The following PEAK1 variants were observed in gnomAD, a reference collection of about 807,000 sequenced individuals.
The protein encoded by PEAK1 is inactive tyrosine-protein kinase PEAK1.
In PEAK1, 54 loss-of-function variants were observed where a neutral mutation model predicts 124.7. The ratio of observed to expected loss-of-function variants is 0.43; its 90% CI spans 0.35 to 0.54. The LOEUF is 0.54. PEAK1 is among the 20% of genes least tolerant of loss of function. The pLI, the probability that PEAK1 is intolerant of heterozygous loss-of-function variation, is 0.01. For missense variants in PEAK1, 2,046 were observed against 2,134.5 expected (o/e 0.96, Z 0.82); for synonymous variants, 719 against 760.0 (o/e 0.95, Z 0.89).
At position 77,133,352 on chromosome 15, in the gene PEAK1, T is replaced by C. The variant is rs1387272631; in HGVS notation, c.3730A>G (p.Lys1244Glu). 6.2e-7 allele frequency: 1 copy of C among 1,614,242 alleles called. No homozygotes were observed. Among genetic ancestry groups the C allele is most frequent in the Admixed American group, 1.7e-5 (1 of 60,020 alleles). The change falls in exon 9 of 10, where the codon AAG becomes GAG. Residue 1244 changes from lysine to glutamate, a missense_variant. Coordinates refer to ENST00000682557, the MANE Select transcript of PEAK1 (RefSeq NM_001385026.1). The surrounding 1 kb of genome is among the most constrained non-coding windows in gnomAD (Gnocchi z 4.2). ...SISSLTTLSI[K>E]DRFSNSMESL... ...TCCATGCTGTTGGAAAATCTATCCT[T>C]AATACTGAGAGTGGTTAAGCTGGAA...
At chr15:77,223,371 GT>G (rs1384845094) in intron 6 of PEAK1, among the ~76,000 whole-genome samples, 1 of 151,990 alleles carries the variant, frequency 6.6e-6, no homozygotes, top group Non-Finnish European at 1.5e-5. Flanking sequence ...GTTTAGTAGA[GT>G]TTTACCTTAG....
intron 2 of PEAK1, among the ~76,000 whole-genome samples, chr15:77,311,964 T>C (rs2064494400): frequency 6.6e-6 from 1 of 151,924 alleles, no homozygotes; most frequent in Non-Finnish European, 1.5e-5. Context: ...GTTAGTAGTG[T>C]GGGGAGGGAT....
Position 77,180,889 on chromosome 15 carries a change from AGAATCTGGTGATGTGGAGTCAGAT to A in PEAK1, c.1014_1037del (p.Asp340_Ser347del). ...CAGAACGTGATTCTTCTGTTAAAGA[AGAATCTGGTGATGTGGAGTCAGAT>A]GACACCATGCTCTGAATGCTTCCTT... On this transcript the variant is annotated inframe_deletion, in exon 7 of 10. Coordinates refer to ENST00000682557, the MANE Select transcript of PEAK1 (RefSeq NM_001385026.1). The A allele has an allele frequency of 1.2e-6, 2 of 1,614,136 alleles. No individual in the cohort carries two copies. The highest frequency in any genetic ancestry group is 1.7e-6 in the Non-Finnish European group (2 of 1,180,008).
intron 5 of PEAK1, among the ~76,000 whole-genome samples, chr15:77,270,750 T>C (rs1462572931): frequency 6.6e-6 from 1 of 152,180 alleles, no homozygotes; most frequent in African/African-American, 2.4e-5. Flanking sequence ...ACTGAATCTA[T>C]AAATTACCTT....
chr15:77,265,198 AG>A (rs1175921758), intron 5 of PEAK1, among the ~76,000 whole-genome samples: 1 of 152,214 alleles, frequency 6.6e-6, no homozygotes, highest in Non-Finnish European at 1.5e-5. Flanking sequence ...GGCATGGGCA[AG>A]GACTTCATGT....
At chr15:77,405,309 C>G (rs997198672) in intron 1 of PEAK1, among the ~76,000 whole-genome samples, 2 of 151,770 alleles carry the variant, frequency 1.3e-5, no homozygotes, top group African/African-American at 4.8e-5. Context: ...CGGCTGAGGT[C>G]AACTAGATAT....
At chr15:77,380,571 C>T (rs1311045229) in intron 1 of PEAK1, among the ~76,000 whole-genome samples, 2 of 152,106 alleles carry the variant, frequency 1.3e-5, no homozygotes, top group East Asian at 3.8e-4. Flanking sequence ...CTCGACCTCC[C>T]AGGCTCAAGT....
chr15:77,114,502 G>T lies in PEAK1; in HGVS notation c.4895C>A (p.Ser1632Tyr). The change falls in exon 10 of 10, where the codon TCC (serine) becomes TAC (tyrosine). Residue 1632 changes from serine (S) to tyrosine (Y), a missense_variant. By Grantham distance (144) the Ser-to-Tyr change is moderately radical. Coordinates refer to ENST00000682557, the MANE Select transcript of PEAK1 (RefSeq NM_001385026.1). Reference protein sequence around the residue: ...RADLPRIPFRSPYSRGLQQLA... With the variant: ...RADLPRIPFRYPYSRGLQQLA... The stretch of plus-strand genomic sequence containing the variant: ...CTGCTGCAGACCCCGGGAGTAGGGG[G>T]AGCGGAATGGGATGCGAGGCAGGTC... 1 of 1,614,050 alleles carries T rather than the reference G, an allele frequency of 6.2e-7. No homozygotes were observed. Among genetic ancestry groups the T allele is most frequent in the Non-Finnish European group, 8.5e-7 (1 of 1,179,978 alleles).
chr15:77,116,153 T>C (rs1566986477), intron 9 of PEAK1, among the ~76,000 whole-genome samples: 3 of 152,210 alleles, frequency 2.0e-5, no homozygotes, highest in African/African-American at 4.8e-5. Flanking sequence ...CTATTTCTAC[T>C]CTTAAGGGGT....
intron 2 of PEAK1, chr15:77,334,288 T>C: frequency 1.0e-6 from 1 of 985,208 alleles, no homozygotes; most frequent in South Asian, 4.7e-5. Context: ...CACTTGTGCA[T>C]AATAGTAATG....
rs1035993781 is a variant in PEAK1, at chr15:77,214,634, AAAAAG to A, written c.-114-32599_-114-32595del. On this transcript the variant is annotated intron_variant, in intron 6 of 9. Transcript: ENST00000682557. The stretch of plus-strand genomic sequence containing the variant: ...GCAAGACTCTGTCTCCAAAAAAAAA[AAAAAG>A]AAAAGAAAAGAGGTTTAATTGGCTT... Among the ~76,000 whole-genome samples, 5 of 152,046 alleles carry A rather than the reference AAAAAG, an allele frequency of 3.3e-5. No homozygotes were observed. In the South Asian group the frequency reaches 6.2e-4, roughly 19 times the overall value.
intron 2 of PEAK1, among the ~76,000 whole-genome samples, chr15:77,302,722 G>A (rs1345856271): frequency 6.6e-6 from 1 of 152,070 alleles, no homozygotes; most frequent in African/African-American, 2.4e-5. Context: ...AATACATTTA[G>A]ACTCTTTTGC....
chr15:77,264,261 C>G (rs947442497), intron 5 of PEAK1, among the ~76,000 whole-genome samples: 1 of 151,942 alleles, frequency 6.6e-6, no homozygotes, highest in African/African-American at 2.4e-5. Flanking sequence ...CCAGGGCAAT[C>G]AGGCAGGAGA....
intron 1 of PEAK1, among the ~76,000 whole-genome samples, chr15:77,376,000 AAAATAAATAAATAAATAAATAAAT>A (rs199883070): frequency 1.4e-5 from 2 of 145,348 alleles, no homozygotes; most frequent in Non-Finnish European, 3.0e-5. Flanking sequence ...CTCCGTCTCA[AAAATAAATAAATAAATAAATAAAT>A]AAATAAATAA....
intron 2 of PEAK1, among the ~76,000 whole-genome samples, chr15:77,327,448 ATC>A (rs1028531104): frequency 1.3e-5 from 2 of 152,132 alleles, no homozygotes; most frequent in African/African-American, 4.8e-5. Context: ...TATTCTAAAC[ATC>A]TGTCTGTATT....
At chr15:77,173,757 G>A (rs2056667637) in intron 7 of PEAK1, among the ~76,000 whole-genome samples, 1 of 152,146 alleles carries the variant, frequency 6.6e-6, no homozygotes, top group African/African-American at 2.4e-5. Flanking sequence ...TCACCTCTGT[G>A]ACTTTGCATA....
intron 6 of PEAK1, among the ~76,000 whole-genome samples, chr15:77,225,483 A>C (rs1249410541): frequency 1.3e-5 from 2 of 151,652 alleles, no homozygotes; most frequent in African/African-American, 4.8e-5. Context: ...ATCGATAAAG[A>C]TATAGGTGGT....
At chr15:77,363,991 G>A (rs2068062298) in intron 2 of PEAK1, among the ~76,000 whole-genome samples, 1 of 152,056 alleles carries the variant, frequency 6.6e-6, no homozygotes, top group South Asian at 2.1e-4. Flanking sequence ...TTGAGGTTAG[G>A]AGGTCAAGAC....
chr15:77,366,566 G>T (rs1369154213), intron 1 of PEAK1, among the ~76,000 whole-genome samples: 2 of 151,786 alleles, frequency 1.3e-5, no homozygotes, highest in East Asian at 3.9e-4. Context: ...TGTTTTTCGG[G>T]TTTTTCTGAG....
Sources: allele counts gnomAD v4.1 joint callset (sites outside exome capture counted in the v4.1 genomes callset), GRCh38; gene constraint gnomAD v4.1.1; non-coding constraint Gnocchi (gnomAD v3.1); transcripts MANE v1.5; gene names NCBI Gene and HGNC (gene_info 2026-07-23, HGNC 2026-07-21).